RBMS1: variants seen among roughly 807,000 people sequenced by gnomAD.
RBMS1 encodes RNA-binding motif, single-stranded-interacting protein 1.
Under a neutral mutation model 62.3 loss-of-function variants are expected in RBMS1, and 17 were observed. The ratio of observed to expected loss-of-function variants is 0.27; its 90% CI spans 0.19 to 0.41. The LOEUF (loss-of-function observed/expected upper bound fraction) is 0.41. Among genes scored for constraint, RBMS1 ranks in the 10% least tolerant of loss-of-function variants. RBMS1 has a pLI of 1.00. For synonymous variants in RBMS1, 172 were observed against 170.0 expected (o/e 1.01, Z -0.09); for missense variants, 334 against 504.5 (o/e 0.66, Z 3.24).
At position 160,303,332 on chromosome 2, in the gene RBMS1, A is replaced by G. The variant is rs1390239542; in HGVS notation, c.558T>C (p.Ala186=). The change falls in exon 5 of 14, where the codon GCT becomes GCC. Residue 186 remains alanine (A), a splice_region_variant and synonymous_variant. Transcript: ENST00000348849. Reference sequence around the variant, plus strand: ...TAAAGACTGGGCAGAAGGCTTACCTAGCAAAGCCAACACCACGACTTGTAC... The same window carrying G: ...TAAAGACTGGGCAGAAGGCTTACCTGGCAAAGCCAACACCACGACTTGTAC... ...SSGTSRGVGF[A]RMESTEKCEA... is the part of the protein sequence containing the mutation. The G allele has an allele frequency of 6.3e-7, 1 of 1,599,984 alleles. No homozygotes were observed. Among genetic ancestry groups the G allele is most frequent in the South Asian group, 1.1e-5 (1 of 88,286 alleles).
At chr2:160,407,479 C>A in intron 1 of RBMS1, 4 of 986,220 alleles carry the variant, frequency 4.1e-6, no homozygotes, top group Non-Finnish European at 4.8e-6. Context: ...TGCGATAGGG[C>A]GTCCGGCAGT....
At chr2:160,423,058 C>G (rs946974639) in intron 1 of RBMS1, among the ~76,000 whole-genome samples, 1 of 152,144 alleles carries the variant, frequency 6.6e-6, no homozygotes, top group Non-Finnish European at 1.5e-5. Context: ...TGGCACTCTT[C>G]TCTATCCTAG....
intron 1 of RBMS1, among the ~76,000 whole-genome samples, chr2:160,461,602 A>G (rs1233346558): frequency 6.6e-6 from 1 of 152,236 alleles, no homozygotes; most frequent in Admixed American, 6.5e-5. Flanking sequence ...GCTATAGGCC[A>G]AGCATGTGTG....
chr2:160,416,024 C>G (rs1021375059), intron 1 of RBMS1: 16 of 150,676 alleles, frequency 1.1e-4, no homozygotes, highest in African/African-American at 2.9e-4. Context: ...GTTAAGAGTA[C>G]TGAAATAGGA....
In RBMS1 at chr2:160,484,909, G is replaced by T. The variant is rs192570418; in HGVS notation, c.75+8380C>A. Among the ~76,000 whole-genome samples, 11 of 152,090 alleles carry T rather than the reference G, an allele frequency of 7.2e-5. No individual in the cohort carries two copies. In the East Asian group the frequency reaches 2.1e-3, roughly 29 times the overall value. On this transcript the variant is annotated intron_variant, in intron 1 of 13. Transcript: ENST00000348849. ...AATTTACGAAGCATCAACGAACCAG[G>T]AAAAGGTAAAAAGAGAATTGGAAGA...
At chr2:160,407,287 G>T (rs1247897024) in intron 1 of RBMS1, among the ~76,000 whole-genome samples, 2 of 152,032 alleles carry the variant, frequency 1.3e-5, no homozygotes, top group Admixed American at 1.3e-4. Context: ...GGGCGGCGGC[G>T]GCGAGGGCAT....
chr2:160,452,828 G>A (rs1358399874), intron 1 of RBMS1, among the ~76,000 whole-genome samples: 2 of 152,290 alleles, frequency 1.3e-5, no homozygotes, highest in South Asian at 4.1e-4. Flanking sequence ...AAACAAGTAC[G>A]AGTATGATAA....
chr2:160,275,602 C>T (rs1687793461), intron 13 of RBMS1, 28 bp downstream of exon 13: 2 of 1,609,068 alleles, frequency 1.2e-6, no homozygotes, highest in Non-Finnish European at 1.7e-6. Context: ...ATTTGAGCCC[C>T]CCAGTTATGA....
intron 12 of RBMS1, 110 bp downstream of exon 12, chr2:160,277,193 A>G (rs973432122): frequency 7.8e-6 from 8 of 1,031,336 alleles, no homozygotes; most frequent in Middle Eastern, 2.8e-4. Context: ...GCTAAACGCA[A>G]TTCTTTATGC....
intron 1 of RBMS1, among the ~76,000 whole-genome samples, chr2:160,414,274 A>G (rs1039837237): frequency 6.6e-6 from 1 of 152,206 alleles, no homozygotes; most frequent in Non-Finnish European, 1.5e-5. Flanking sequence ...TTGCTAAGGT[A>G]TAACTTCTCT....
intron 1 of RBMS1, among the ~76,000 whole-genome samples, chr2:160,404,315 C>G (rs1695582647): frequency 6.6e-6 from 1 of 152,166 alleles, no homozygotes; most frequent in Non-Finnish European, 1.5e-5. Flanking sequence ...GATGCCCTAG[C>G]TACACTACGT....
chr2:160,324,905 T>TATATATATATATATATATAC (rs1553508414), intron 2 of RBMS1, among the ~76,000 whole-genome samples: 1 of 118,692 alleles, frequency 8.4e-6, no homozygotes, highest in Non-Finnish European at 1.7e-5. Flanking sequence ...TATATATATA[T>TATATATATATATATATATAC]ATACACACAC....
Position 160,272,577 on chromosome 2 carries a change from C to T in RBMS1, c.*2195G>A, listed in dbSNP as rs1464323992. On this transcript the variant is annotated 3_prime_UTR_variant, in exon 14 of 14. Transcript: ENST00000348849. ...TTTCTAGCAGCAGATTTCCCCTCCC[C>T]TCTAACCGAGCTATCAAATTTCTGT... 6.6e-6 allele frequency: 1 copy of T among 151,988 alleles called. No individual in the cohort carries two copies. The allele number at this position is 151,988 out of a possible 1,614,324, so 9.4% of individuals were successfully genotyped here. A position where few individuals can be genotyped will look rare whatever the true frequency, so the allele number is the denominator to read the frequency against.
At chr2:160,452,599 T>C (rs904702028) in intron 1 of RBMS1, among the ~76,000 whole-genome samples, 1 of 152,204 alleles carries the variant, frequency 6.6e-6, no homozygotes, top group African/African-American at 2.4e-5. Context: ...AACCTGCAGA[T>C]ATGGAAGGCC....
intron 1 of RBMS1, among the ~76,000 whole-genome samples, chr2:160,447,881 C>T (rs1683727908): frequency 6.6e-6 from 1 of 152,216 alleles, no homozygotes; most frequent in Non-Finnish European, 1.5e-5. Flanking sequence ...AAGATGCAGC[C>T]ATCTCCTTTC....
At chr2:160,373,292 A>C (rs77294439) in intron 1 of RBMS1, among the ~76,000 whole-genome samples, 1 of 152,372 alleles carries the variant, frequency 6.6e-6, no homozygotes, top group East Asian at 1.9e-4. Context: ...CTCCACATAG[A>C]AATCTCTTTA....
At chr2:160,434,318 T>A (rs566496599) in intron 1 of RBMS1, among the ~76,000 whole-genome samples, 111 of 152,226 alleles carry the variant, frequency 7.3e-4, no homozygotes, top group Middle Eastern at 3.4e-3. Flanking sequence ...TATATTAAAT[T>A]CAAAAATATT....
intron 1 of RBMS1, among the ~76,000 whole-genome samples, chr2:160,450,558 A>G (rs1427891695): frequency 2.4e-5 from 1 of 41,372 alleles, no homozygotes; most frequent in Non-Finnish European, 5.5e-5. Flanking sequence ...ATAAAAAATA[A>G]AAAATGAAAA....
At chr2:160,426,164 A>G (rs1319026377) in intron 1 of RBMS1, among the ~76,000 whole-genome samples, 2 of 151,466 alleles carry the variant, frequency 1.3e-5, no homozygotes, top group African/African-American at 2.4e-5. Context: ...TATCATCCCA[A>G]TTAAAGTGTT....
Sources: allele counts gnomAD v4.1 joint callset (sites outside exome capture counted in the v4.1 genomes callset), GRCh38; gene constraint gnomAD v4.1.1; transcripts MANE v1.5; gene names NCBI Gene and HGNC (gene_info 2026-07-23, HGNC 2026-07-21).